The following LINGO2 variants were observed in gnomAD, a reference collection of about 807,000 sequenced individuals.
LINGO2 encodes leucine-rich repeat and immunoglobulin-like domain-containing nogo receptor-interacting protein 2.
LINGO2 carries 14 observed loss-of-function variants against 30.6 expected under a neutral mutation model. The ratio of observed to expected loss-of-function variants is 0.46; its 90% CI spans 0.30 to 0.72. LINGO2 has a LOEUF of 0.72. Ranked by LOEUF, LINGO2 falls within the 30% of genes least tolerant of loss-of-function variation. The pLI is 0.07. For missense variants in LINGO2, 729 were observed against 751.7 expected, an observed-to-expected ratio of 0.97 and a Z score of 0.35; for synonymous variants, 317 against 288.5, an observed-to-expected ratio of 1.10 and a Z score of -1.00.
rs541448186 is a variant in LINGO2, at chr9:28,403,820, CA to C, written c.-278-30953del. ...TGGAGATCAGGGACTGGATCCTACT[CA>C]AATATACCCTAGAAACACTTGCTAC... On this transcript the variant is annotated intron_variant, in intron 2 of 5. Transcript: ENST00000379992. Among the ~76,000 whole-genome samples the C allele has an allele frequency of 1.8e-3, 271 of 152,092 alleles. 1 individual carries two copies. The highest frequency in any genetic ancestry group is 6.8e-3 in the Middle Eastern group (2 of 294).
chr9:29,167,765 C>A, the LINGO2 span, among the ~76,000 whole-genome samples: 2 of 152,074 alleles, frequency 1.3e-5, no homozygotes, highest in Non-Finnish European at 2.9e-5. Flanking sequence ...GAAAATCTTC[C>A]ATGAAATCAC....
At chr9:28,873,221 T>G in the LINGO2 span, among the ~76,000 whole-genome samples, 2 of 151,326 alleles carry the variant, frequency 1.3e-5, no homozygotes, top group African/African-American at 4.9e-5. Context: ...ATACAAAAAA[T>G]TAGTCAGGAG....
chr9:28,320,483 T>G (rs957705857), intron 3 of LINGO2, among the ~76,000 whole-genome samples: 2 of 152,198 alleles, frequency 1.3e-5, no homozygotes, highest in Non-Finnish European at 2.9e-5. Context: ...TCCAGATGTG[T>G]GTGCTGCTCT....
chr9:28,390,435 CAA>C (rs1821779153), intron 2 of LINGO2, among the ~76,000 whole-genome samples: 1 of 152,046 alleles, frequency 6.6e-6, no homozygotes, highest in Non-Finnish European at 1.5e-5. Context: ...ATCAATTTAT[CAA>C]GTCTGGAATA....
At chr9:28,151,584 A>G (rs970544722) in intron 4 of LINGO2, among the ~76,000 whole-genome samples, 4 of 151,872 alleles carry the variant, frequency 2.6e-5, no homozygotes, top group African/African-American at 9.6e-5. Context: ...GTGCTGACGA[A>G]TATAATTAGA....
the LINGO2 span, among the ~76,000 whole-genome samples, chr9:28,992,292 G>A: frequency 1.3e-5 from 2 of 152,158 alleles, no homozygotes; most frequent in African/African-American, 4.8e-5. Context: ...ATGGTAAAGG[G>A]ATCAATACAA....
chr9:28,189,681 AAGGGAGGAAGGAAGGGAGGG>A lies in LINGO2; in HGVS notation c.-87+105507_-87+105526del, dbSNP rs1564029527. Among the ~76,000 whole-genome samples the A allele has an allele frequency of 8.7e-3, 129 of 14,798 alleles. 11 individuals are homozygous for A. Among genetic ancestry groups the A allele is most frequent in the African/African-American group, 0.014 (96 of 6,678 alleles). 9.7% of individuals were successfully genotyped at this position (14,798 alleles called of 152,430 possible). On this transcript the variant is annotated intron_variant, in intron 4 of 5. Transcript: ENST00000379992. ...GAAGGAAGGAAGGGAGGAAGGAAGG[AAGGGAGGAAGGAAGGGAGGG>A]AGGAAGGAAGGAAGGAAGGAAGGTT... is the stretch of plus-strand genomic sequence containing the variant.
the LINGO2 span, among the ~76,000 whole-genome samples, chr9:28,933,725 C>T: frequency 6.6e-6 from 1 of 152,122 alleles, no homozygotes; most frequent in Admixed American, 6.5e-5. Context: ...GCCATTGTGA[C>T]CTTACACAAA....
At chr9:28,662,636 T>G (rs1033774541) in intron 1 of LINGO2, among the ~76,000 whole-genome samples, 1 of 152,210 alleles carries the variant, frequency 6.6e-6, no homozygotes, top group African/African-American at 2.4e-5. Flanking sequence ...TTAGGCAACT[T>G]AATCTCTTTA....
chr9:28,021,151 T>C (rs528263013), intron 4 of LINGO2, among the ~76,000 whole-genome samples: 1 of 152,268 alleles, frequency 6.6e-6, no homozygotes, highest in South Asian at 2.1e-4. Flanking sequence ...TTTTCTAATA[T>C]ATGCACTTGA....
the LINGO2 span, among the ~76,000 whole-genome samples, chr9:28,710,116 G>T: frequency 6.6e-6 from 1 of 151,420 alleles, no homozygotes; most frequent in African/African-American, 2.4e-5. Context: ...ATGATATTAA[G>T]AGGTGGGGCC....
the LINGO2 span, among the ~76,000 whole-genome samples, chr9:28,725,673 A>G: frequency 6.6e-6 from 1 of 151,996 alleles, no homozygotes; most frequent in Non-Finnish European, 1.5e-5. Flanking sequence ...ATATAAAGGA[A>G]CAGCAAATAT....
chr9:28,864,447 T>C, the LINGO2 span, among the ~76,000 whole-genome samples: 2 of 152,042 alleles, frequency 1.3e-5, no homozygotes, highest in South Asian at 4.1e-4. Context: ...CTTTGCAAAA[T>C]AACCAGAATC....
chr9:28,594,375 C>T (rs187441383), intron 1 of LINGO2, among the ~76,000 whole-genome samples: 19 of 152,160 alleles, frequency 1.2e-4, no homozygotes, highest in Middle Eastern at 3.4e-3. Context: ...AAATTATCAA[C>T]GTGGTTCATT....
chr9:28,946,084 C>G, the LINGO2 span, among the ~76,000 whole-genome samples: 1 of 151,994 alleles, frequency 6.6e-6, no homozygotes, highest in Non-Finnish European at 1.5e-5. Flanking sequence ...TATGAAAGAT[C>G]ACCAGTAATG....
At chr9:28,639,750 C>G (rs1452280141) in intron 1 of LINGO2, among the ~76,000 whole-genome samples, 1 of 152,130 alleles carries the variant, frequency 6.6e-6, no homozygotes, top group Non-Finnish European at 1.5e-5. Context: ...ATATAGCACA[C>G]TGATGGGTCT....
the LINGO2 span, among the ~76,000 whole-genome samples, chr9:29,080,280 C>T: frequency 7.9e-5 from 12 of 152,184 alleles, no homozygotes; most frequent in South Asian, 4.2e-4. Context: ...TCTGTGGGAT[C>T]GGTGGTGATA....
chr9:29,037,610 T>C, the LINGO2 span, among the ~76,000 whole-genome samples: 1 of 152,000 alleles, frequency 6.6e-6, no homozygotes, highest in Non-Finnish European at 1.5e-5. Flanking sequence ...TATTATCCAA[T>C]TGGAATGCAT....
At chr9:28,445,790 C>T (rs1824402036) in intron 2 of LINGO2, among the ~76,000 whole-genome samples, 1 of 152,048 alleles carries the variant, frequency 6.6e-6, no homozygotes, top group African/African-American at 2.4e-5. Flanking sequence ...TTATTGTTGG[C>T]AACATTTTTA....
Sources: allele counts gnomAD v4.1 joint callset (sites outside exome capture counted in the v4.1 genomes callset), GRCh38; gene constraint gnomAD v4.1.1; transcripts MANE v1.5; gene names NCBI Gene and HGNC (gene_info 2026-07-23, HGNC 2026-07-21).